Variants in ENO4 observed in about 807,000 individuals in gnomAD.
The protein encoded by ENO4 is enolase 4.
In ENO4, 53 loss-of-function variants were observed where a neutral mutation model predicts 63.2. That is an observed-to-expected ratio of 0.84 (90% CI 0.67 to 1.05). The LOEUF (loss-of-function observed/expected upper bound fraction) is 1.05, where lower values mean the gene tolerates loss of function less well. Among genes scored for constraint, ENO4 ranks in the 50% least tolerant of loss-of-function variants. The pLI is 0.00. For missense variants in ENO4, 719 were observed against 772.0 expected (o/e 0.93, Z 0.81); for synonymous variants, 266 against 283.8 (o/e 0.94, Z 0.63).
At chr10:116,879,586 C>T (rs1260399442) in intron 12 of ENO4, among the ~76,000 whole-genome samples, 1 of 152,182 alleles carries the variant, frequency 6.6e-6, no homozygotes, top group Non-Finnish European at 1.5e-5. Flanking sequence ...GGGTGTGCAC[C>T]TGCAATCTTT....
At chr10:116,865,547 T>C (rs1846528047) in intron 7 of ENO4, among the ~76,000 whole-genome samples, 1 of 152,200 alleles carries the variant, frequency 6.6e-6, no homozygotes, top group South Asian at 2.1e-4. Flanking sequence ...AATTGTATGA[T>C]ATGGAGTCAT....
intron 1 of ENO4, among the ~76,000 whole-genome samples, chr10:116,852,260 T>C (rs1314246362): frequency 2.0e-5 from 3 of 152,196 alleles, no homozygotes; most frequent in Non-Finnish European, 4.4e-5. Flanking sequence ...TTAAACCTCT[T>C]TCCTTTATAA....
downstream of ENO4, among the ~76,000 whole-genome samples, chr10:116,887,521 G>A (rs1160457051): frequency 6.6e-6 from 1 of 152,064 alleles, no homozygotes; most frequent in Non-Finnish European, 1.5e-5. Flanking sequence ...TTGGTGTTCC[G>A]CCAGGTGCCA....
chr10:116,849,848 C>G (rs1846014965), intron 1 of ENO4, 117 bp downstream of exon 1: 1 of 1,204,062 alleles, frequency 8.3e-7, no homozygotes, highest in Non-Finnish European at 1.2e-6. Context: ...GCCGCCCGGG[C>G]CCTGGGCCTG....
At chr10:116,856,200 C>G (rs945783187) in intron 2 of ENO4, among the ~76,000 whole-genome samples, 2 of 152,090 alleles carry the variant, frequency 1.3e-5, no homozygotes, top group African/African-American at 2.4e-5. Context: ...GCCATAGTCT[C>G]TGGTAGGAGA....
rs1250585327 is a variant in ENO4 at position 116,859,094 on chromosome 10, C to G, written c.590C>G (p.Pro197Arg). The G allele has an allele frequency of 1.3e-6, 2 of 1,534,002 alleles. No individual in the cohort carries two copies. Among genetic ancestry groups the G allele is most frequent in the Non-Finnish European group, 1.7e-6 (2 of 1,145,634 alleles). ...VPTPLPPVPP[P>R]PPPPPPTKKK... ...ACACCTCTACCTCCAGTACCACCAC[C>G]ACCACCCCCTCCACCTCCTACCAAA... Residue 197 changes from proline to arginine, a missense_variant, in exon 4 of 14, where the codon CCA becomes CGA. Pro to Arg is a moderately radical substitution (Grantham distance 103, BLOSUM62 -2). Coordinates refer to ENST00000341276, the MANE Select transcript of ENO4 (RefSeq NM_001242699.2).
Position 116,856,600 on chromosome 10 carries a change from G to A in ENO4, c.403G>A (p.Val135Met), listed in dbSNP as rs550523692. Residue 135 changes from valine (V) to methionine (M), a missense_variant, in exon 3 of 14, where the codon GTG (valine) becomes ATG (methionine). Physicochemically the swap from Val to Met is conservative, Grantham distance 21 (BLOSUM62 1). This residue lies in a region of ENO4 where 544 missense variants were observed against 583.6 expected (regional missense o/e 0.93). Transcript: ENST00000341276. ...GAGGGCCAGCGCGGTGAGCACCGCC[G>A]TGCAGTGGGTCAACAGCACCATCAC... ...AERASAVSTAVQWVNSTITHE... is the reference protein window; with the variant it reads ...AERASAVSTAMQWVNSTITHE... 13 of 1,536,178 alleles carry A rather than the reference G, an allele frequency of 8.5e-6. No homozygotes were observed. Among genetic ancestry groups the A allele is most frequent in the African/African-American group, 2.7e-5 (2 of 73,178 alleles).
intron 10 of ENO4, among the ~76,000 whole-genome samples, chr10:116,899,506 GGT>G (rs370396879): frequency 0.03 from 3,773 of 124,552 alleles, 68 homozygotes; most frequent in East Asian, 0.082. Context: ...GGCTGGGGCT[GGT>G]GTGTGTGTGT....
chr10:116,885,009 C>T (rs1385886299), downstream of ENO4: 1 of 152,400 alleles, frequency 6.6e-6, no homozygotes, highest in African/African-American at 2.4e-5. Context: ...ATTGGGAGAA[C>T]ATGGAAACAG....
In ENO4 at chr10:116,879,954, T is replaced by C. The variant is rs1012612105; in HGVS notation, c.1691T>C (p.Ile564Thr). 3.2e-6 allele frequency: 5 copies of C among 1,550,882 alleles called. No homozygotes were observed. The highest frequency in any genetic ancestry group is 1.7e-4 in the Middle Eastern group (1 of 5,994). Residue 564 changes from isoleucine to threonine, a missense_variant, in exon 13 of 14, where the codon ATA becomes ACA. This residue lies in a region of ENO4 where 168 missense variants were observed against 163.3 expected (regional missense o/e 1.03). Coordinates refer to ENST00000341276, the MANE Select transcript of ENO4 (RefSeq NM_001242699.2). ...RVTKYNRLLT[I>T]EEELVQNGTL... ...ACTAAATACAACCGCCTTCTCACTA[T>C]AGAGGAAGAACTTGTCCAGAATGGA...
At chr10:116,886,129 A>C, downstream of ENO4, 1 of 616,904 alleles carries the variant, frequency 1.6e-6, no homozygotes, top group Non-Finnish European at 2.7e-6. Flanking sequence ...CATCTTTATA[A>C]AGATCAAAAA....
intron 7 of ENO4, among the ~76,000 whole-genome samples, chr10:116,864,865 C>G (rs1846510831): frequency 6.6e-6 from 1 of 151,840 alleles, no homozygotes; most frequent in Non-Finnish European, 1.5e-5. Context: ...ACTAAAAATA[C>G]AAAAATTAGC....
At chr10:116,872,801 CT>C (rs1322815880) in intron 9 of ENO4, among the ~76,000 whole-genome samples, 2 of 152,146 alleles carry the variant, frequency 1.3e-5, no homozygotes, top group African/African-American at 4.8e-5. Context: ...AAATAGCATT[CT>C]GCTTTAACTG....
At chr10:116,878,853 C>G (rs1470234241) in intron 11 of ENO4, among the ~76,000 whole-genome samples, 2 of 147,944 alleles carry the variant, frequency 1.4e-5, no homozygotes, top group Non-Finnish European at 3.0e-5. Flanking sequence ...ACGCCATTCT[C>G]CTGCCTCAGC....
chr10:116,860,582 T>G (rs921197900), intron 4 of ENO4, among the ~76,000 whole-genome samples: 3 of 152,216 alleles, frequency 2.0e-5, no homozygotes, highest in African/African-American at 7.2e-5. Context: ...GAATTAATAT[T>G]AAATGGCCTA....
At chr10:116,874,436 A>G (rs1340638603) in intron 10 of ENO4, among the ~76,000 whole-genome samples, 2 of 152,184 alleles carry the variant, frequency 1.3e-5, no homozygotes, top group African/African-American at 2.4e-5. Context: ...TAGGAAAAAC[A>G]CAATTACCTA....
chr10:116,878,742 CTTTTT>C (rs10635577), intron 11 of ENO4, among the ~76,000 whole-genome samples: 8 of 114,362 alleles, frequency 7.0e-5, no homozygotes, highest in East Asian at 2.6e-4. Flanking sequence ...AATCATATAT[CTTTTT>C]TTTTTTTTTT....
chr10:116,900,182 A>T, intron 10 of ENO4: 1 of 203,550 alleles, frequency 4.9e-6, no homozygotes, highest in Non-Finnish European at 9.9e-6. Flanking sequence ...TTAGCTAAAG[A>T]ATGTCAAGAA....
At chr10:116,886,250 G>A (rs1589771816), downstream of ENO4, 2 of 1,506,262 alleles carry the variant, frequency 1.3e-6, no homozygotes, top group African/African-American at 1.4e-5. Context: ...ACAGTGACCA[G>A]AGCAGAATGT....
Sources: allele counts gnomAD v4.1 joint callset (sites outside exome capture counted in the v4.1 genomes callset), GRCh38; gene constraint gnomAD v4.1.1; regional missense constraint gnomAD v4.1.1; transcripts MANE v1.5; gene names NCBI Gene and HGNC (gene_info 2026-07-23, HGNC 2026-07-21).